The following MYO6 variants were observed in gnomAD, a reference collection of about 807,000 sequenced individuals.
MYO6 encodes the protein unconventional myosin-VI.
Under a neutral mutation model 178.7 loss-of-function variants are expected in MYO6, and 74 were observed. The observed-to-expected ratio is 0.41, with a 90% CI of 0.34 to 0.50. The LOEUF (loss-of-function observed/expected upper bound fraction) is 0.50, where lower values mean the gene tolerates loss of function less well. MYO6 is among the 20% of genes least tolerant of loss of function. The pLI is 0.09. For synonymous variants in MYO6, 477 were observed against 504.6 expected (o/e 0.95, Z 0.73); for missense variants, 1,330 against 1,547.4 (o/e 0.86, Z 2.36).
chr6:75,798,365 T>C (rs1769073846), intron 1 of MYO6, among the ~76,000 whole-genome samples: 1 of 152,226 alleles, frequency 6.6e-6, no homozygotes, highest in Non-Finnish European at 1.5e-5. Flanking sequence ...AATACCATGC[T>C]GTTTTGGTTA....
chr6:75,862,691 C>T lies in MYO6; in HGVS notation c.1642C>T (p.His548Tyr). The change falls in exon 16 of 35, where the codon CAC becomes TAC. Residue 548 changes from histidine to tyrosine, a missense_variant. His to Tyr is a moderately conservative substitution (Grantham distance 83). Around this residue, in one of 3 missense-constraint regions of MYO6, gnomAD observed 613 missense variants for 816.8 expected, o/e 0.75. Transcript: ENST00000369977. The stretch of plus-strand genomic sequence containing the variant: ...TGATCAACACTTTACATCTGCAGTT[C>T]ACCAAAAGCACAAGGATCATTTTCG... Reference protein sequence around the residue: ...PSDQHFTSAVHQKHKDHFRLT... With the variant: ...PSDQHFTSAVYQKHKDHFRLT... 6.2e-7 allele frequency: 1 copy of T among 1,614,034 alleles called. No individual in the cohort carries two copies. The highest frequency in any genetic ancestry group is 8.5e-7 in the Non-Finnish European group (1 of 1,179,960).
intron 25 of MYO6, among the ~76,000 whole-genome samples, chr6:75,889,262 T>G (rs1778708776): frequency 6.6e-6 from 1 of 152,214 alleles, no homozygotes; most frequent in Non-Finnish European, 1.5e-5. Flanking sequence ...AAATTAAAAT[T>G]AACCCACCCA....
chr6:75,835,812 A>G, intron 6 of MYO6, 89 bp from the exon 7 acceptor site: 1 of 744,708 alleles, frequency 1.3e-6, no homozygotes. Context: ...ATGATGATCT[A>G]GGTTTCAGTT....
At chr6:75,807,524 T>A (rs1006711212) in intron 1 of MYO6, among the ~76,000 whole-genome samples, 1 of 152,216 alleles carries the variant, frequency 6.6e-6, no homozygotes, top group Non-Finnish European at 1.5e-5. Flanking sequence ...CATTTTATTT[T>A]CCTTTTTATC....
In MYO6 at chr6:75,904,548, G is replaced by A. The variant is rs183682401; in HGVS notation, c.3177-3057G>A. On this transcript the variant is annotated intron_variant, in intron 30 of 34. Transcript: ENST00000369977. ...CTCCTGAGGCTTCTGCATTCTTCAC[G>A]TAGTTCTTGAGCCTTGATTTTCAGC... 1.1e-4 allele frequency among the ~76,000 whole-genome samples: 16 copies of A among 152,130 alleles called. 1 individual carries two copies. The East Asian group carries it at 2.7e-3, about 26-fold the overall frequency.
intron 19 of MYO6, among the ~76,000 whole-genome samples, chr6:75,871,875 C>G (rs55767659): frequency 9.2e-5 from 14 of 152,042 alleles, no homozygotes; most frequent in Non-Finnish European, 1.9e-4. Context: ...TTGTAATCCC[C>G]AGCACTTTGG....
intron 1 of MYO6, among the ~76,000 whole-genome samples, chr6:75,756,509 T>C (rs1431387746): frequency 6.6e-6 from 1 of 152,028 alleles, no homozygotes; most frequent in Non-Finnish European, 1.5e-5. Flanking sequence ...ATTTTTGTAT[T>C]TGTAGTAGAG....
chr6:75,903,005 GGTT>G (rs1444253370), intron 30 of MYO6, among the ~76,000 whole-genome samples: 1 of 151,910 alleles, frequency 6.6e-6, no homozygotes, highest in Non-Finnish European at 1.5e-5. Context: ...TTCAGGAGCA[GGTT>G]GTTCAGTTTC....
chr6:75,858,826 AT>A, intron 13 of MYO6, 75 bp from the exon 14 acceptor site: 1 of 857,838 alleles, frequency 1.2e-6, no homozygotes. Context: ...CATTATTACA[AT>A]TACATTTTAT....
chr6:75,859,640 G>A (rs1418523330), intron 14 of MYO6, among the ~76,000 whole-genome samples: 5 of 144,028 alleles, frequency 3.5e-5, no homozygotes, highest in African/African-American at 1.0e-4. Context: ...CCTTCTACCC[G>A]CATCCCTGCC....
At chr6:75,861,547 A>G (rs938042169) in intron 15 of MYO6, among the ~76,000 whole-genome samples, 1 of 152,216 alleles carries the variant, frequency 6.6e-6, no homozygotes, top group African/African-American at 2.4e-5. Flanking sequence ...TGTCACAGCC[A>G]GATAACACTG....
chr6:75,849,321 G>A (rs1775037029), intron 11 of MYO6, among the ~76,000 whole-genome samples: 1 of 152,158 alleles, frequency 6.6e-6, no homozygotes, highest in Non-Finnish European at 1.5e-5. Context: ...GAAAAAGATT[G>A]TCAACCCCTA....
chr6:75,749,504 T>C (rs914288803), intron 1 of MYO6, 81 bp downstream of exon 1: 4 of 152,204 alleles, frequency 2.6e-5, no homozygotes, highest in African/African-American at 9.7e-5. Context: ...CCGGGCCTCC[T>C]CGAGCAGCTC....
intron 13 of MYO6, among the ~76,000 whole-genome samples, chr6:75,858,477 A>G (rs950971917): frequency 1.3e-5 from 2 of 152,086 alleles, no homozygotes; most frequent in African/African-American, 4.8e-5. Context: ...GTGGTGGCAC[A>G]TGTTTGTAAT....
At chr6:75,837,960 A>T (rs1275704143) in intron 7 of MYO6, among the ~76,000 whole-genome samples, 1 of 151,962 alleles carries the variant, frequency 6.6e-6, no homozygotes, top group Non-Finnish European at 1.5e-5. Flanking sequence ...TTGGATATAC[A>T]CCCAGTTTCT....
chr6:75,771,239 T>G (rs955343369), intron 1 of MYO6, among the ~76,000 whole-genome samples: 2 of 152,108 alleles, frequency 1.3e-5, no homozygotes, highest in Non-Finnish European at 2.9e-5. Context: ...TAAGCTCAAG[T>G]GATCTGGCCG....
chr6:75,755,077 A>G (rs1480877029), intron 1 of MYO6, among the ~76,000 whole-genome samples: 1 of 152,116 alleles, frequency 6.6e-6, no homozygotes, highest in Admixed American at 6.6e-5. Context: ...AAAATATTAT[A>G]CAAAAATTAG....
At position 75,901,123 on chromosome 6, in the gene MYO6, TA is replaced by T. The variant is rs1437466491; in HGVS notation, c.3176+2713del. Among the ~76,000 whole-genome samples the T allele has an allele frequency of 8.5e-5, 13 of 152,324 alleles. No homozygotes were observed. The South Asian group carries it at 1.0e-3, about 12-fold the overall frequency. On this transcript the variant is annotated intron_variant, in intron 30 of 34. Transcript: ENST00000369977. ...TATTTTGGTACCAGTAGCATGCTGT[TA>T]TGGTTACTGTAGCCTTGTAGTATAG...
At chr6:75,792,646 G>A (rs1768364699) in intron 1 of MYO6, among the ~76,000 whole-genome samples, 1 of 152,010 alleles carries the variant, frequency 6.6e-6, no homozygotes, top group African/African-American at 2.4e-5. Context: ...ACTAGGTGGT[G>A]GGTATAATAT....
Sources: gnomAD v4.1 joint callset for allele counts (sites outside exome capture counted in the v4.1 genomes callset) on GRCh38, gnomAD v4.1.1 for gene constraint, gnomAD v4.1.1 regional missense constraint, MANE v1.5 for transcripts, NCBI Gene and HGNC (gene_info 2026-07-23, HGNC 2026-07-21) for gene names.